EPHA3: variants seen among roughly 807,000 people sequenced by gnomAD.
EPHA3 encodes the protein ephrin type-A receptor 3.
EPHA3 carries 42 observed loss-of-function variants against 107.1 expected under a neutral mutation model. That is an observed-to-expected ratio of 0.39 (90% CI 0.31 to 0.51). The LOEUF is 0.51. EPHA3 is among the 20% of genes least tolerant of loss of function. The pLI is 0.78. For synonymous variants in EPHA3, 461 were observed against 424.8 expected (o/e 1.09, Z -1.05); for missense variants, 1,183 against 1,211.2 (o/e 0.98, Z 0.35).
At chr3:89,311,788 G>A (rs541997767) in intron 3 of EPHA3, among the ~76,000 whole-genome samples, 4 of 152,146 alleles carry the variant, frequency 2.6e-5, no homozygotes, top group South Asian at 4.2e-4. Context: ...GACCTCAAGC[G>A]TATGTTTCCT....
intron 2 of EPHA3, among the ~76,000 whole-genome samples, chr3:89,136,507 T>C (rs1420201542): frequency 6.6e-6 from 1 of 151,598 alleles, no homozygotes; most frequent in African/African-American, 2.4e-5. Context: ...AGAAGTGATT[T>C]TTCTGTTGCT....
At chr3:89,242,925 C>A (rs1374572865) in intron 3 of EPHA3, among the ~76,000 whole-genome samples, 1 of 116,682 alleles carries the variant, frequency 8.6e-6, no homozygotes, top group East Asian at 3.0e-4. Flanking sequence ...CCACAACAGG[C>A]CCCGGTGTGT....
intron 3 of EPHA3, among the ~76,000 whole-genome samples, chr3:89,260,353 TG>T (rs1705385466): frequency 6.6e-6 from 1 of 152,194 alleles, no homozygotes; most frequent in Admixed American, 6.5e-5. Context: ...TATTATCTCT[TG>T]TTTTTTTGAT....
At chr3:89,378,000 G>A (rs1031090309) in intron 5 of EPHA3, among the ~76,000 whole-genome samples, 3 of 152,020 alleles carry the variant, frequency 2.0e-5, no homozygotes, top group African/African-American at 7.2e-5. Flanking sequence ...AAAACTAAGT[G>A]TATTGGCAAG....
At chr3:89,344,055 G>T (rs2107425207) in intron 5 of EPHA3, among the ~76,000 whole-genome samples, 1 of 152,198 alleles carries the variant, frequency 6.6e-6, no homozygotes, top group African/African-American at 2.4e-5. Context: ...TGGTTTTCCG[G>T]AGCGCTATAT....
intron 3 of EPHA3, among the ~76,000 whole-genome samples, chr3:89,339,685 A>AT (rs561405267): frequency 2.6e-5 from 4 of 152,208 alleles, no homozygotes; most frequent in Non-Finnish European, 5.9e-5. Flanking sequence ...GATTATAAAT[A>AT]TTGATTTGTT....
intron 3 of EPHA3, among the ~76,000 whole-genome samples, chr3:89,323,598 A>G (rs1453194525): frequency 1.3e-5 from 2 of 152,130 alleles, no homozygotes; most frequent in Non-Finnish European, 2.9e-5. Flanking sequence ...AACAACAACA[A>G]AAAGCTTATA....
chr3:89,252,893 A>G (rs991266068), intron 3 of EPHA3, among the ~76,000 whole-genome samples: 2 of 150,080 alleles, frequency 1.3e-5, no homozygotes, highest in African/African-American at 2.4e-5. Flanking sequence ...TTTCTTATTT[A>G]ATGGAATAGT....
intron 10 of EPHA3, among the ~76,000 whole-genome samples, chr3:89,414,225 C>CA (rs1709205944): frequency 6.6e-6 from 1 of 151,570 alleles, no homozygotes; most frequent in Admixed American, 6.6e-5. Flanking sequence ...ACTGAAAAAT[C>CA]AAGCAGTAGT....
At chr3:89,419,524 T>C in intron 11 of EPHA3, 134 bp downstream of exon 11, 2 of 662,830 alleles carry the variant, frequency 3.0e-6, no homozygotes, top group Non-Finnish European at 4.9e-6. Flanking sequence ...AGTTTAGGAA[T>C]AGCATGCCTT....
intron 5 of EPHA3, among the ~76,000 whole-genome samples, chr3:89,386,595 G>C (rs530632393): frequency 6.6e-6 from 1 of 152,362 alleles, no homozygotes; most frequent in African/African-American, 2.4e-5. Flanking sequence ...TGCAAGGGCA[G>C]TGCAGTAGGG....
intron 3 of EPHA3, among the ~76,000 whole-genome samples, chr3:89,272,138 A>G (rs1705684928): frequency 6.6e-6 from 1 of 151,944 alleles, no homozygotes; most frequent in East Asian, 1.9e-4. Context: ...CTTTTGGTCA[A>G]CAGTAGGCTA....
At chr3:89,433,389 T>C (rs1326206832) in intron 13 of EPHA3, among the ~76,000 whole-genome samples, 2 of 152,026 alleles carry the variant, frequency 1.3e-5, no homozygotes, top group African/African-American at 2.4e-5. Flanking sequence ...CATGCTATAA[T>C]AAAGAACCTA....
intron 5 of EPHA3, among the ~76,000 whole-genome samples, chr3:89,372,516 T>C (rs1252108522): frequency 6.6e-6 from 1 of 151,490 alleles, no homozygotes; most frequent in Non-Finnish European, 1.5e-5. Context: ...CTTCTAGGAA[T>C]GCTCTTAACC....
rs531779450 is a variant in EPHA3, at chr3:89,131,701, C to A, written c.153+4428C>A. 2.0e-5 allele frequency among the ~76,000 whole-genome samples: 3 copies of A among 152,192 alleles called. No homozygotes were observed. In the East Asian group the frequency reaches 5.8e-4, roughly 29 times the overall value. On this transcript the variant is annotated intron_variant, in intron 2 of 16. Coordinates refer to ENST00000336596, the MANE Select transcript of EPHA3 (RefSeq NM_005233.6). ...TCAGGGAGTGTAGAAAAAGCACTGT[C>A]TGAAATGAGTAATATATGTTTGTGG...
chr3:89,241,736 A>T (rs1424663517), intron 3 of EPHA3, among the ~76,000 whole-genome samples: 1 of 152,188 alleles, frequency 6.6e-6, no homozygotes, highest in African/African-American at 2.4e-5. Context: ...TGCAACGTAC[A>T]TTCTTTGTTT....
chr3:89,418,772 A>C (rs1709299080), intron 10 of EPHA3, among the ~76,000 whole-genome samples: 1 of 151,440 alleles, frequency 6.6e-6, no homozygotes, highest in Admixed American at 6.6e-5. Flanking sequence ...ATATAGCCAT[A>C]TTGGCCCTCG....
chr3:89,473,873 C>A (rs1437773227), intron 16 of EPHA3, among the ~76,000 whole-genome samples: 4 of 152,182 alleles, frequency 2.6e-5, no homozygotes, highest in Non-Finnish European at 4.4e-5. Flanking sequence ...GATAGATACA[C>A]CAAAAGTTGT....
At position 89,210,237 on chromosome 3, in the gene EPHA3, G is replaced by A; in HGVS notation, c.531G>A (p.Lys177=). 2 of 1,614,068 alleles carry A rather than the reference G, an allele frequency of 1.2e-6. No individual in the cohort carries two copies. The highest frequency in any genetic ancestry group is 1.7e-6 in the Non-Finnish European group (2 of 1,179,960). ...EIREVGPVNK[K]GFYLAFQDVG... ...GAGAAGTAGGTCCTGTCAACAAGAA[G>A]GGATTTTATTTGGCATTTCAAGATG... Residue 177 remains lysine, a synonymous_variant, in exon 3 of 17, where the codon AAG becomes AAA. Transcript: ENST00000336596.
Sources: gnomAD v4.1 joint callset for allele counts (sites outside exome capture counted in the v4.1 genomes callset) on GRCh38, gnomAD v4.1.1 for gene constraint, MANE v1.5 for transcripts, NCBI Gene and HGNC (gene_info 2026-07-23, HGNC 2026-07-21) for gene names.